The following DNAH9 variants were observed in gnomAD, a reference collection of about 807,000 sequenced individuals.
DNAH9 encodes the protein dynein axonemal heavy chain 9.
Under a neutral mutation model 471.6 loss-of-function variants are expected in DNAH9, and 345 were observed. The observed-to-expected ratio is 0.73, with a 90% confidence interval of 0.67 to 0.80. DNAH9 has a LOEUF of 0.80. DNAH9 is among the 30% of genes least tolerant of loss of function. The pLI is 0.00. For synonymous variants in DNAH9, 2,093 were observed against 2,123.6 expected (o/e 0.99, Z 0.40); for missense variants, 5,407 against 5,609.2 (o/e 0.96, Z 1.15).
chr17:11,641,391 T>C (rs548072255), intron 10 of DNAH9, among the ~76,000 whole-genome samples: 1 of 152,204 alleles, frequency 6.6e-6, no homozygotes, highest in African/African-American at 2.4e-5. Context: ...TCAAACTCTG[T>C]GCAGAACTAA....
intron 42 of DNAH9, among the ~76,000 whole-genome samples, chr17:11,795,418 TACTC>T (rs1969208595): frequency 6.6e-6 from 1 of 152,238 alleles, no homozygotes; most frequent in African/African-American, 2.4e-5. Context: ...GTTGTCCTCA[TACTC>T]ACCTTGTTTG....
At chr17:11,611,846 C>G in intron 4 of DNAH9, 66 bp downstream of exon 4, 6 of 1,518,828 alleles carry the variant, frequency 4.0e-6, no homozygotes, top group Non-Finnish European at 5.5e-6. Flanking sequence ...ATGCATTCAC[C>G]TCTCTCTGTC....
intron 1 of DNAH9, among the ~76,000 whole-genome samples, chr17:11,600,299 A>C (rs893021078): frequency 2.0e-5 from 3 of 152,198 alleles, no homozygotes; most frequent in African/African-American, 2.4e-5. Context: ...CATGCTTAAC[A>C]TAAGTGTTGA....
intron 14 of DNAH9, among the ~76,000 whole-genome samples, chr17:11,653,637 G>A (rs2073562223): frequency 2.0e-5 from 3 of 152,206 alleles, no homozygotes; most frequent in African/African-American, 7.2e-5. Flanking sequence ...GACTCCTGTG[G>A]AAAGTCACAA....
chr17:11,702,342 T>C (rs2074616405), intron 24 of DNAH9, among the ~76,000 whole-genome samples: 1 of 152,164 alleles, frequency 6.6e-6, no homozygotes, highest in African/African-American at 2.4e-5. Flanking sequence ...TAACAAGAAA[T>C]GTTTAAAGTA....
At chr17:11,710,077 A>G (rs2074803140) in intron 26 of DNAH9, among the ~76,000 whole-genome samples, 1 of 152,182 alleles carries the variant, frequency 6.6e-6, no homozygotes, top group Non-Finnish European at 1.5e-5. Context: ...GCCATTGTTA[A>G]TATGTAGTTT....
intron 68 of DNAH9, among the ~76,000 whole-genome samples, chr17:11,963,357 C>G (rs2151454407): frequency 6.6e-6 from 1 of 151,970 alleles, no homozygotes. Flanking sequence ...TCGCTTGAAC[C>G]CGGGAGGTGG....
intron 24 of DNAH9, 32 bp downstream of exon 24, chr17:11,701,279 G>A: frequency 6.2e-7 from 1 of 1,610,774 alleles, no homozygotes; most frequent in Non-Finnish European, 8.5e-7. Context: ...CATCCTCCAT[G>A]GTTGGGGCTG....
At chr17:11,909,693 G>T (rs981275756) in intron 61 of DNAH9, among the ~76,000 whole-genome samples, 16 of 151,960 alleles carry the variant, frequency 1.1e-4, no homozygotes, top group African/African-American at 3.4e-4. Context: ...GTACAGATGA[G>T]ACACGCTGCT....
rs1003768132 is a variant in DNAH9 at position 11,902,707 on chromosome 17, G to A, written c.11407-12G>A. On this transcript the variant is annotated splice_polypyrimidine_tract_variant and intron_variant, in intron 59 of 68. Transcript: ENST00000262442. ...GGAGAAACTGCATTTCAGATTCTCT[G>A]AAATTTCCCAGGTACTTTCATCAAT... 1 of 1,605,138 alleles carries A rather than the reference G, an allele frequency of 6.2e-7. No individual in the cohort carries two copies. Among genetic ancestry groups the A allele is most frequent in the Non-Finnish European group, 8.5e-7 (1 of 1,175,568 alleles).
chr17:11,802,476 A>G (rs1969498959), intron 43 of DNAH9, among the ~76,000 whole-genome samples: 1 of 151,960 alleles, frequency 6.6e-6, no homozygotes, highest in African/African-American at 2.4e-5. Flanking sequence ...TAAAAATACC[A>G]AAAAACTTAG....
chr17:11,808,364 A>C (rs1309447157), intron 44 of DNAH9, among the ~76,000 whole-genome samples: 3 of 152,202 alleles, frequency 2.0e-5, no homozygotes, highest in Non-Finnish European at 4.4e-5. Flanking sequence ...AAAGTAAAGA[A>C]AGACACTATA....
Position 11,942,329 on chromosome 17 carries a change from G to A in DNAH9, c.12687G>A (p.Leu4229=). The change falls in exon 67 of 69, where the codon TTG becomes TTA. Residue 4229 remains leucine (L), a synonymous_variant. Transcript: ENST00000262442. ...EKVKALLEEI[L]ERVTDEFNIP... is the part of the protein sequence containing the mutation. Reference sequence around the variant, plus strand: ...TCAAGGCACTTCTGGAAGAAATATTGGAGCGGGTGACAGACGAGTTTAACA... The same window carrying A: ...TCAAGGCACTTCTGGAAGAAATATTAGAGCGGGTGACAGACGAGTTTAACA... 2 of 1,614,094 alleles carry A rather than the reference G, an allele frequency of 1.2e-6. No homozygotes were observed. The highest frequency in any genetic ancestry group is 1.7e-5 in the Admixed American group (1 of 60,024).
chr17:11,763,751 C>G, intron 36 of DNAH9, 137 bp downstream of exon 36: 1 of 819,580 alleles, frequency 1.2e-6, no homozygotes, highest in Admixed American at 2.4e-5. Flanking sequence ...AGTCATCTAC[C>G]TATTACTCTG....
chr17:11,753,660 C>T (rs1430399115), intron 33 of DNAH9, among the ~76,000 whole-genome samples: 1 of 152,204 alleles, frequency 6.6e-6, no homozygotes, highest in Non-Finnish European at 1.5e-5. Context: ...GAGCGAAACT[C>T]CATCTCCAAA....
intron 4 of DNAH9, chr17:11,612,121 T>A: frequency 1.8e-6 from 1 of 558,734 alleles, no homozygotes; most frequent in Non-Finnish European, 3.2e-6. Context: ...CACAACAATG[T>A]TCCTGGAGCT....
chr17:11,688,082 CA>C (rs145792851), intron 19 of DNAH9, among the ~76,000 whole-genome samples: 4 of 59,674 alleles, frequency 6.7e-5, no homozygotes, highest in East Asian at 5.6e-4. Flanking sequence ...TGCAGTAAGC[CA>C]AAAAAAAAAA....
At position 11,784,394 on chromosome 17, in the gene DNAH9, A is replaced by G. The variant is rs764215241; in HGVS notation, c.7916A>G (p.Asn2639Ser). The change falls in exon 41 of 69, where the codon AAC (asparagine) becomes AGC (serine). Residue 2639 changes from asparagine to serine, a missense_variant. By Grantham distance (46) the Asn-to-Ser change is conservative. This residue lies in a region of DNAH9 where 4,636 missense variants were observed against 4,900.3 expected (regional missense o/e 0.95). Transcript: ENST00000262442. Reference sequence around the variant, plus strand: ...CTCACTCAGCATCTGAAGCTCGGAAACTTCCCGGCGTCCCTGCAGAAATCC... The same window carrying G: ...CTCACTCAGCATCTGAAGCTCGGAAGCTTCCCGGCGTCCCTGCAGAAATCC... Reference protein sequence around the residue: ...IILTQHLKLGNFPASLQKSIP... With the variant: ...IILTQHLKLGSFPASLQKSIP... 3 of 1,614,134 alleles carry G rather than the reference A, an allele frequency of 1.9e-6. No individual in the cohort carries two copies. In the South Asian group the frequency reaches 3.3e-5, roughly 18 times the overall value.
chr17:11,754,201 C>T (rs142012972), intron 33 of DNAH9, among the ~76,000 whole-genome samples: 2,698 of 151,624 alleles, frequency 0.018, 36 homozygotes, highest in Middle Eastern at 0.052. Context: ...TGTGTATGTA[C>T]CACATTTTCT....
Sources: allele counts gnomAD v4.1 joint callset (sites outside exome capture counted in the v4.1 genomes callset), GRCh38; gene constraint gnomAD v4.1.1; regional missense constraint gnomAD v4.1.1; transcripts MANE v1.5; gene names NCBI Gene and HGNC (gene_info 2026-07-23, HGNC 2026-07-21).